Variants in SPRY1 observed in about 807,000 individuals in gnomAD.
SPRY1 encodes sprouty RTK signaling antagonist 1.
Under a neutral mutation model 22.6 loss-of-function variants are expected in SPRY1, and 20 were observed. That is an observed-to-expected ratio of 0.89 (90% confidence interval 0.62 to 1.29). The LOEUF is 1.29. Among genes scored for constraint, SPRY1 ranks in the 50% most tolerant of loss-of-function variants. SPRY1 has a pLI of 0.00. For synonymous variants in SPRY1, 155 were observed against 144.7 expected, an observed-to-expected ratio of 1.07 and a Z score of -0.51; for missense variants, 446 against 387.7, an observed-to-expected ratio of 1.15 and a Z score of -1.26.
In SPRY1 at chr4:123,402,511, T is replaced by C. The variant is rs1298215244; in HGVS notation, c.920T>C (p.Leu307Pro). ...CKNSNTVYCK[L>P]ESCPSRGQGK... ...AACTCCAACACTGTCTATTGTAAGC[T>C]GGAGAGCTGCCCCTCCCGGGGTCAG... The change falls in exon 3 of 3, where the codon CTG (leucine) becomes CCG (proline). Residue 307 changes from leucine (L) to proline (P), a missense_variant. Leu to Pro is a moderately conservative substitution (Grantham distance 98). Coordinates refer to ENST00000651917, the MANE Select transcript of SPRY1 (RefSeq NM_001258038.2). 4 of 1,613,920 alleles carry C rather than the reference T, an allele frequency of 2.5e-6. 1 individual carries two copies. Among genetic ancestry groups the C allele is most frequent in the East Asian group, 4.5e-5 (2 of 44,882 alleles).
chr4:123,397,436 T>C (rs1579152500), intron 1 of SPRY1, among the ~76,000 whole-genome samples, 175 bp from the exon 2 acceptor site: 1 of 152,148 alleles, frequency 6.6e-6, no homozygotes, highest in Non-Finnish European at 1.5e-5. Context: ...GACTGCATGT[T>C]ACTTTGGTTC....
At position 123,401,978 on chromosome 4, in the gene SPRY1, C is replaced by G; in HGVS notation, c.387C>G (p.Ala129=). 1 of 1,614,202 alleles carries G rather than the reference C, an allele frequency of 6.2e-7. No homozygotes were observed. Among genetic ancestry groups the G allele is most frequent in the Non-Finnish European group, 8.5e-7 (1 of 1,180,030 alleles). ...SAASSGSNSS[A]SSEQGLLGRS... ...CCAGCTCTGGGAGCAACAGCAGTGC[C>G]TCTTCTGAACAGGGACTGTTAGGAA... The change falls in exon 3 of 3, where the codon GCC becomes GCG. Residue 129 remains alanine (A), a synonymous_variant. Coordinates refer to ENST00000651917, the MANE Select transcript of SPRY1 (RefSeq NM_001258038.2).
At chr4:123,399,291 G>T (rs1397542532) in intron 2 of SPRY1, among the ~76,000 whole-genome samples, 1 of 151,928 alleles carries the variant, frequency 6.6e-6, no homozygotes, top group Non-Finnish European at 1.5e-5. Flanking sequence ...CGGGAGACCC[G>T]CTTGAACCCG....
Position 123,397,603 on chromosome 4 carries a change from T to C in SPRY1, c.-301-8T>C, listed in dbSNP as rs906045518. ...TCACGAGCTTCTATCTCTAATTCTC[T>C]GTCGCAGGCATTTCGGCCGTGGAAC... On this transcript the variant is annotated splice_region_variant and splice_polypyrimidine_tract_variant and intron_variant, in intron 1 of 2. Transcript: ENST00000651917. 5 of 152,100 alleles carry C rather than the reference T, an allele frequency of 3.3e-5. No homozygotes were observed. Among genetic ancestry groups the C allele is most frequent in the African/African-American group, 1.2e-4 (5 of 41,410 alleles). The allele number at this position is 152,100 out of a possible 1,614,324, so 9.4% of individuals were successfully genotyped here.
In SPRY1 at chr4:123,403,255, G is replaced by C. The variant is rs531334758; in HGVS notation, c.*704G>C. The stretch of plus-strand genomic sequence containing the variant: ...CTTGCCCATCTTCACTCTAGCCTTC[G>C]TATTTGTGAAGGACTCAGCCACCTT... On this transcript the variant is annotated 3_prime_UTR_variant, in exon 3 of 3. Coordinates refer to ENST00000651917, the MANE Select transcript of SPRY1 (RefSeq NM_001258038.2). 1 of 167,740 alleles carries C rather than the reference G, an allele frequency of 6.0e-6. No individual in the cohort carries two copies. The highest frequency in any genetic ancestry group is 1.5e-5 in the Non-Finnish European group (1 of 68,670). 10.4% of individuals were successfully genotyped at this position (167,740 alleles called of 1,614,324 possible). A position where few individuals can be genotyped will look rare whatever the true frequency, so the allele number is the denominator to read the frequency against.
At chr4:123,398,713 C>T (rs1725020746) in intron 2 of SPRY1, among the ~76,000 whole-genome samples, 1 of 152,084 alleles carries the variant, frequency 6.6e-6, no homozygotes, top group Non-Finnish European at 1.5e-5. Flanking sequence ...CTTCTGGGGG[C>T]TCAAGGTTGG....
chr4:123,401,466 A>G, intron 2 of SPRY1, 71 bp from the exon 3 acceptor site: 3 of 1,192,600 alleles, frequency 2.5e-6, no homozygotes, highest in Non-Finnish European at 3.5e-6. Context: ...ATTTGACAGG[A>G]TTCCCCCCCC....
At chr4:123,398,523 T>C (rs1160954349) in intron 2 of SPRY1, 2 of 151,740 alleles carry the variant, frequency 1.3e-5, no homozygotes, top group African/African-American at 2.4e-5. Flanking sequence ...GGTGAGTGTG[T>C]GCGGCGGCCG....
chr4:123,399,435 C>G (rs1387044564), intron 2 of SPRY1: 1 of 152,266 alleles, frequency 6.6e-6, no homozygotes, highest in Non-Finnish European at 1.5e-5. Context: ...GCCTCCTCCC[C>G]TCCTCCTACC....
chr4:123,401,901 A>C lies in SPRY1; in HGVS notation c.310A>C (p.Ser104Arg). 1 of 1,614,214 alleles carries C rather than the reference A, an allele frequency of 6.2e-7. No homozygotes were observed. Among genetic ancestry groups the C allele is most frequent in the Non-Finnish European group, 8.5e-7 (1 of 1,180,050 alleles). The change falls in exon 3 of 3, where the codon AGT becomes CGT. Residue 104 changes from serine (S) to arginine (R), a missense_variant. Transcript: ENST00000651917. ...CCACCTGGGACATGCAGTACTCCCA[A>C]GTAATGCCAGGGGCCCCATTTTGAG... ...TSHLGHAVLP[S>R]NARGPILSRS...
chr4:123,401,852 T>C lies in SPRY1; in HGVS notation c.261T>C (p.Asn87=). 6.2e-7 allele frequency: 1 copy of C among 1,614,108 alleles called. No homozygotes were observed. Among genetic ancestry groups the C allele is most frequent in the Non-Finnish European group, 8.5e-7 (1 of 1,180,012 alleles). ...THEIIPINVN[N]NYEHRHTSHL... ...AAATCATACCAATTAATGTGAATAA[T>C]AACTACGAGCACAGACACACAAGCC... The change falls in exon 3 of 3, where the codon AAT becomes AAC. Residue 87 remains asparagine, a synonymous_variant. Coordinates refer to ENST00000651917, the MANE Select transcript of SPRY1 (RefSeq NM_001258038.2).
chr4:123,402,128 C>G lies in SPRY1; in HGVS notation c.537C>G (p.Phe179Leu), dbSNP rs1250628278. Residue 179 changes from phenylalanine (F) to leucine (L), a missense_variant, in exon 3 of 3, where the codon TTC becomes TTG. Phe to Leu is a conservative substitution (Grantham distance 22). Transcript: ENST00000651917. The stretch of plus-strand genomic sequence containing the variant: ...AAGAGGACCTGACACAGCACAAGTT[C>G]ATTTGTGAACAGTGTGGGAAGTGCA... ...SLKEDLTQHK[F>L]ICEQCGKCKC... The G allele has an allele frequency of 6.2e-7, 1 of 1,614,216 alleles. No homozygotes were observed. Among genetic ancestry groups the G allele is most frequent in the Non-Finnish European group, 8.5e-7 (1 of 1,180,032 alleles).
At position 123,401,494 on chromosome 4, in the gene SPRY1, TG is replaced by T; in HGVS notation, c.-55-42del. On this transcript the variant is annotated intron_variant, in intron 2 of 2. Transcript: ENST00000651917. Reference sequence around the variant, plus strand: ...CCCCCCCCCCAAAAAAAATGCTTCCTGTCATTTATTTTCTGTTTTTTTCATC... The same window carrying T: ...CCCCCCCCCCAAAAAAAATGCTTCCTTCATTTATTTTCTGTTTTTTTCATC... 6 of 1,401,316 alleles carry T rather than the reference TG, an allele frequency of 4.3e-6. No homozygotes were observed. The South Asian group carries it at 8.4e-5, about 20-fold the overall frequency. The allele number at this position is 1,401,316 out of a possible 1,614,324, so 86.8% of individuals were successfully genotyped here. A position where few individuals can be genotyped will look rare whatever the true frequency, so the allele number is the denominator to read the frequency against.
chr4:123,402,654 C>T lies in SPRY1; in HGVS notation c.*103C>T. On this transcript the variant is annotated 3_prime_UTR_variant, in exon 3 of 3. Coordinates refer to ENST00000651917, the MANE Select transcript of SPRY1 (RefSeq NM_001258038.2). ...TTTTCTTTAGAATTTTTCCCTGTTT[C>T]CCACCTTCTCTTCCCCTGTTGCCAA... 2.1e-6 allele frequency: 3 copies of T among 1,418,414 alleles called. No homozygotes were observed. Among genetic ancestry groups the T allele is most frequent in the Non-Finnish European group, 2.9e-6 (3 of 1,051,792 alleles). The allele number at this position is 1,418,414 out of a possible 1,614,324, so 87.9% of individuals were successfully genotyped here.
rs375483914 is a variant in SPRY1, at chr4:123,401,468, T to TC, written c.-55-59dup. 4.5e-3 allele frequency: 4,483 copies of TC among 1,003,104 alleles called. 153 individuals are homozygous for TC. In the African/African-American group the frequency reaches 0.065, roughly 15 times the overall value. The allele number at this position is 1,003,104 out of a possible 1,614,324, so 62.1% of individuals were successfully genotyped here. A position where few individuals can be genotyped will look rare whatever the true frequency, so the allele number is the denominator to read the frequency against. On this transcript the variant is annotated intron_variant, in intron 2 of 2. Transcript: ENST00000651917. ...TAGGCAATTTGTGATTTGACAGGAT[T>TC]CCCCCCCCCCAAAAAAAATGCTTCC...
rs770444253 is a variant in SPRY1, at chr4:123,401,784, C to G, written c.193C>G (p.Pro65Ala). 1 of 1,614,164 alleles carries G rather than the reference C, an allele frequency of 6.2e-7. No homozygotes were observed. Among genetic ancestry groups the G allele is most frequent in the South Asian group, 1.1e-5 (1 of 91,082 alleles). The change falls in exon 3 of 3, where the codon CCT (proline) becomes GCT (alanine). Residue 65 changes from proline to alanine, a missense_variant. Pro to Ala is a conservative substitution (Grantham distance 27). Transcript: ENST00000651917. ...GCCTTCGGTGGTGAAAAGACCTGCT[C>G]CTCGGACAGCACCAAGACAAGAAAA... ...EGPSVVKRPA[P>A]RTAPRQEKHE...
At position 123,402,729 on chromosome 4, in the gene SPRY1, A is replaced by C. The variant is rs1249152283; in HGVS notation, c.*178A>C. ...TTCCTCATGGATGATCTTCAGCAAG[A>C]GTGGACTGGGAAGCTGCACCTGGCT... On this transcript the variant is annotated 3_prime_UTR_variant, in exon 3 of 3. Coordinates refer to ENST00000651917, the MANE Select transcript of SPRY1 (RefSeq NM_001258038.2). 1.2e-6 allele frequency: 1 copy of C among 819,766 alleles called. No individual in the cohort carries two copies. Among genetic ancestry groups the C allele is most frequent in the Non-Finnish European group, 1.9e-6 (1 of 531,592 alleles). The allele number at this position is 819,766 out of a possible 1,614,324, so 50.8% of individuals were successfully genotyped here.
chr4:123,398,982 C>T (rs953109616), intron 2 of SPRY1, among the ~76,000 whole-genome samples: 3 of 152,152 alleles, frequency 2.0e-5, no homozygotes, highest in African/African-American at 4.8e-5. Context: ...GCCGATTACC[C>T]CCTCGATAGA....
chr4:123,398,863 G>T (rs1725026929), intron 2 of SPRY1, among the ~76,000 whole-genome samples: 1 of 151,992 alleles, frequency 6.6e-6, no homozygotes, highest in African/African-American at 2.4e-5. Context: ...GATTTCAGGC[G>T]GCTCTGGGGA....
Sources: allele counts gnomAD v4.1 joint callset (sites outside exome capture counted in the v4.1 genomes callset), GRCh38; gene constraint gnomAD v4.1.1; transcripts MANE v1.5; gene names NCBI Gene and HGNC (gene_info 2026-07-23, HGNC 2026-07-21).